CASC3: variants seen among roughly 807,000 people sequenced by gnomAD.
The protein encoded by CASC3 is CASC3 exon junction complex subunit.
CASC3 carries 30 observed loss-of-function variants against 80.5 expected under a neutral mutation model. The observed-to-expected ratio is 0.37, with a 90% CI of 0.28 to 0.51. The LOEUF is 0.51. Among genes scored for constraint, CASC3 ranks in the 20% least tolerant of loss-of-function variants. The pLI, the probability that CASC3 is intolerant of heterozygous loss-of-function variation, is 0.94. For missense variants in CASC3, 824 were observed against 922.2 expected (o/e 0.89, Z 1.38); for synonymous variants, 312 against 333.6 (o/e 0.94, Z 0.70).
Position 40,171,838 on chromosome 17 carries a change from G to C in CASC3, c.*1433G>C. ...CTAGCAGCTGGCCTAATCACTCTGAGTCACAGGTGTGGGATGGAGAGTGGG... is the reference window on the plus strand; with the variant it reads ...CTAGCAGCTGGCCTAATCACTCTGACTCACAGGTGTGGGATGGAGAGTGGG... On this transcript the variant is annotated 3_prime_UTR_variant, in exon 14 of 14. Transcript: ENST00000264645. 8.4e-7 allele frequency: 1 copy of C among 1,187,036 alleles called. No homozygotes were observed. The highest frequency in any genetic ancestry group is 1.6e-5 in the South Asian group (1 of 62,752). 73.5% of individuals were successfully genotyped at this position (1,187,036 alleles called of 1,614,324 possible). A position where few individuals can be genotyped will look rare whatever the true frequency, so the allele number is the denominator to read the frequency against.
At chr17:40,163,364 G>T in intron 6 of CASC3, 117 bp from the exon 7 acceptor site, 3 of 792,662 alleles carry the variant, frequency 3.8e-6, no homozygotes, top group Non-Finnish European at 6.0e-6. Context: ...TGAACTCCTG[G>T]CCTCAAGTGA....
rs1182830388 is a variant in CASC3 at position 40,171,257 on chromosome 17, C to T, written c.*852C>T. ...GTGGGGAGAGATGGCACACCAGATG[C>T]TTTTGTGAGAAAGGGATGGTGGAGT... is the stretch of plus-strand genomic sequence containing the variant. On this transcript the variant is annotated 3_prime_UTR_variant, in exon 14 of 14. Transcript: ENST00000264645. 1 of 985,868 alleles carries T rather than the reference C, an allele frequency of 1.0e-6. No homozygotes were observed. Among genetic ancestry groups the T allele is most frequent in the African/African-American group, 1.7e-5 (1 of 57,220 alleles). 61.1% of individuals were successfully genotyped at this position (985,868 alleles called of 1,614,324 possible).
chr17:40,151,492 G>A (rs892703039), intron 3 of CASC3, among the ~76,000 whole-genome samples: 18 of 151,890 alleles, frequency 1.2e-4, no homozygotes, highest in Admixed American at 4.6e-4. Flanking sequence ...GATTACAGGC[G>A]TAAGTCACCA....
Position 40,170,916 on chromosome 17 carries a change from C to T in CASC3, c.*511C>T, listed in dbSNP as rs1310911275. 2 of 985,304 alleles carry T rather than the reference C, an allele frequency of 2.0e-6. No individual in the cohort carries two copies. The highest frequency in any genetic ancestry group is 1.7e-5 in the African/African-American group (1 of 57,172). The allele number at this position is 985,304 out of a possible 1,614,324, so 61.0% of individuals were successfully genotyped here. On this transcript the variant is annotated 3_prime_UTR_variant, in exon 14 of 14. Transcript: ENST00000264645. ...AGTCTAGTCTTCTGGTTTTCTAGCC[C>T]CTCTGGATTCCCTTTTGACTCTTCC...
chr17:40,170,942 G>A lies in CASC3; in HGVS notation c.*537G>A, dbSNP rs1020474207. The A allele has an allele frequency of 4.3e-5, 42 of 984,432 alleles. No individual in the cohort carries two copies. Among genetic ancestry groups the A allele is most frequent in the South Asian group, 3.3e-4 (7 of 21,254 alleles). The allele number at this position is 984,432 out of a possible 1,614,324, so 61.0% of individuals were successfully genotyped here. Reference sequence around the variant, plus strand: ...CTCTGGATTCCCTTTTGACTCTTCCGTGCATCCCAGATAATGGAGAATGTA... The same window carrying A: ...CTCTGGATTCCCTTTTGACTCTTCCATGCATCCCAGATAATGGAGAATGTA... On this transcript the variant is annotated 3_prime_UTR_variant, in exon 14 of 14. Coordinates refer to ENST00000264645, the MANE Select transcript of CASC3 (RefSeq NM_007359.5).
At chr17:40,140,871 A>G in intron 1 of CASC3, 92 bp downstream of exon 1, 1 of 1,006,024 alleles carries the variant, frequency 9.9e-7, no homozygotes. Flanking sequence ...GTGAGTTGAT[A>G]GTAGATACTG....
chr17:40,168,132 GCAGTCCAGCCGGGC>G, intron 10 of CASC3, 57 bp from the exon 11 acceptor site: 1 of 1,420,454 alleles, frequency 7.0e-7, no homozygotes, highest in South Asian at 1.2e-5. Flanking sequence ...ATTATACTGA[GCAGTCCAGCCGGGC>G]CATCCTGTGA....
intron 3 of CASC3, among the ~76,000 whole-genome samples, chr17:40,145,830 C>T (rs950483687): frequency 4.0e-5 from 6 of 151,596 alleles, no homozygotes; most frequent in Admixed American, 6.6e-5. Context: ...GGGGTTTCAC[C>T]ATGTTGGCAA....
chr17:40,148,755 A>G (rs1988922004), intron 3 of CASC3, among the ~76,000 whole-genome samples: 1 of 151,826 alleles, frequency 6.6e-6, no homozygotes, highest in Non-Finnish European at 1.5e-5. Flanking sequence ...TCTCAGGTCC[A>G]TTTGCTTTCT....
Position 40,171,701 on chromosome 17 carries a change from A to G in CASC3, c.*1296A>G, listed in dbSNP as rs1989597408. On this transcript the variant is annotated 3_prime_UTR_variant, in exon 14 of 14. Coordinates refer to ENST00000264645, the MANE Select transcript of CASC3 (RefSeq NM_007359.5). ...GAAGAGATTCCTATTACTGCAGTAC[A>G]TACGTCTGCCAGGGGTAACCTGGCC... is the stretch of plus-strand genomic sequence containing the variant. 1.8e-6 allele frequency: 2 copies of G among 1,110,204 alleles called. No homozygotes were observed. Among genetic ancestry groups the G allele is most frequent in the Non-Finnish European group, 2.2e-6 (2 of 901,862 alleles). 68.8% of individuals were successfully genotyped at this position (1,110,204 alleles called of 1,614,324 possible). A position where few individuals can be genotyped will look rare whatever the true frequency, so the allele number is the denominator to read the frequency against.
intron 3 of CASC3, among the ~76,000 whole-genome samples, chr17:40,144,037 C>T (rs992834548): frequency 9.9e-5 from 15 of 151,654 alleles, no homozygotes; most frequent in East Asian, 2.0e-4. Flanking sequence ...GAATCACCTG[C>T]GGTCAGGAGT....
rs1988681069 is a variant in CASC3 at position 40,140,620 on chromosome 17, C to T, written c.72C>T (p.Asp24=). The T allele has an allele frequency of 1.9e-6, 3 of 1,610,748 alleles. No individual in the cohort carries two copies. Among genetic ancestry groups the T allele is most frequent in the Non-Finnish European group, 2.5e-6 (3 of 1,179,342 alleles). Residue 24 remains aspartate, a synonymous_variant, in exon 1 of 14, where the codon GAC becomes GAT. Coordinates refer to ENST00000264645, the MANE Select transcript of CASC3 (RefSeq NM_007359.5). ...AGGAATCTGGTGCTTCGGGCTCCGA[C>T]AGCGGCGGCTCCCCGTTGCGGGGAG... is the stretch of plus-strand genomic sequence containing the variant. ...EDEESGASGS[D]SGGSPLRGGG...
intron 3 of CASC3, among the ~76,000 whole-genome samples, chr17:40,143,852 T>A (rs1049579281): frequency 4.0e-5 from 6 of 151,844 alleles, no homozygotes; most frequent in South Asian, 4.2e-4. Flanking sequence ...ATATATATAT[T>A]AATAAAAGAA....
chr17:40,146,755 A>T (rs1025622709), intron 3 of CASC3, among the ~76,000 whole-genome samples: 4 of 151,540 alleles, frequency 2.6e-5, no homozygotes, highest in African/African-American at 9.7e-5. Flanking sequence ...TATTTTTTTA[A>T]AAATATTTTT....
chr17:40,168,180 GT>G, intron 10 of CASC3, 22 bp from the exon 11 acceptor site: 1 of 1,604,508 alleles, frequency 6.2e-7, no homozygotes, highest in Non-Finnish European at 8.5e-7. Flanking sequence ...TTATTTTTCA[GT>G]TTTTTTCTTC....
chr17:40,140,564 C>T lies in CASC3; in HGVS notation c.16C>T (p.Arg6Trp). MADRR[R>W]QRASQDTEDE... is the part of the protein sequence containing the mutation. ...TCTCCGTAAGATGGCGGACCGGCGGCGGCAGCGCGCTTCGCAAGACACCGA... is the reference window on the plus strand; with the variant it reads ...TCTCCGTAAGATGGCGGACCGGCGGTGGCAGCGCGCTTCGCAAGACACCGA... Residue 6 changes from arginine to tryptophan, a missense_variant, in exon 1 of 14, where the codon CGG becomes TGG. Around this residue, in one of 3 missense-constraint regions of CASC3, gnomAD observed 159 missense variants for 122.2 expected, o/e 1.30. Transcript: ENST00000264645. 6.2e-7 allele frequency: 1 copy of T among 1,608,158 alleles called. No homozygotes were observed.
chr17:40,140,785 T>TGCGC lies in CASC3; in HGVS notation c.231+9_231+12dup. 1 of 916,916 alleles carries TGCGC rather than the reference T, an allele frequency of 1.1e-6. No individual in the cohort carries two copies. Among genetic ancestry groups the TGCGC allele is most frequent in the Non-Finnish European group, 1.3e-6 (1 of 742,584 alleles). The allele number at this position is 916,916 out of a possible 1,614,324, so 56.8% of individuals were successfully genotyped here. A position where few individuals can be genotyped will look rare whatever the true frequency, so the allele number is the denominator to read the frequency against. On this transcript the variant is annotated splice_region_variant and intron_variant, in intron 1 of 13. Coordinates refer to ENST00000264645, the MANE Select transcript of CASC3 (RefSeq NM_007359.5). ...GTGCTGAGGAGTCGGAGTGTGTGAG[T>TGCGC]GCGCGCAGGCGGGGCGGGGTGGGGA...
chr17:40,165,621 T>A lies in CASC3; in HGVS notation c.1472-1176T>A, dbSNP rs17679038. Among the ~76,000 whole-genome samples the A allele has an allele frequency of 9.7e-3, 1,471 of 152,326 alleles. 3 individuals are homozygous for A. The highest frequency in any genetic ancestry group is 0.015 in the Non-Finnish European group (1,020 of 68,032). ...TTATTCAGTTGAATTTTGATCAAGA[T>A]CTTCTCTAATATATTTGAAAGGCAA... On this transcript the variant is annotated intron_variant, in intron 7 of 13. Coordinates refer to ENST00000264645, the MANE Select transcript of CASC3 (RefSeq NM_007359.5).
chr17:40,142,739 A>T (rs766934186), intron 3 of CASC3, among the ~76,000 whole-genome samples: 141 of 152,064 alleles, frequency 9.3e-4, no homozygotes, highest in African/African-American at 2.0e-3. Flanking sequence ...ATACAAAAAA[A>T]AATAATAATA....
Sources: gnomAD v4.1 joint callset for allele counts (sites outside exome capture counted in the v4.1 genomes callset) on GRCh38, gnomAD v4.1.1 for gene constraint, gnomAD v4.1.1 regional missense constraint, MANE v1.5 for transcripts, NCBI Gene and HGNC (gene_info 2026-07-23, HGNC 2026-07-21) for gene names.